The following LGR5 variants were observed in gnomAD, a reference collection of about 807,000 sequenced individuals.
LGR5 encodes leucine rich repeat containing G protein-coupled receptor 5.
In LGR5, 54 loss-of-function variants were observed where a neutral mutation model predicts 76.7. The observed-to-expected ratio is 0.70, with a 90% CI of 0.57 to 0.88. LGR5 has a LOEUF of 0.88. Among genes scored for constraint, LGR5 ranks in the 40% least tolerant of loss-of-function variants. The probability of loss-of-function intolerance (pLI) is 0.00; values close to 1 mark genes in which losing one functional copy is unlikely to be tolerated. For synonymous variants in LGR5, 406 were observed against 421.9 expected (o/e 0.96, Z 0.46); for missense variants, 1,078 against 1,073.3 (o/e 1.00, Z -0.06).
At chr12:71,522,038 G>T (rs1322617167) in intron 2 of LGR5, among the ~76,000 whole-genome samples, 2 of 152,156 alleles carry the variant, frequency 1.3e-5, no homozygotes, top group African/African-American at 2.4e-5. Context: ...GAAAAACAGG[G>T]AGTGAAAGGA....
At chr12:71,577,706 C>T (rs542222686) in intron 13 of LGR5, among the ~76,000 whole-genome samples, 8 of 152,210 alleles carry the variant, frequency 5.3e-5, no homozygotes, top group East Asian at 1.9e-4. Context: ...TCCACCTGAA[C>T]GATGTTTCCT....
chr12:71,581,970 C>A (rs897867368), intron 16 of LGR5, among the ~76,000 whole-genome samples: 10 of 152,190 alleles, frequency 6.6e-5, no homozygotes, highest in African/African-American at 2.4e-4. Flanking sequence ...AAACCAAGCA[C>A]CAAGTAGTTA....
Position 71,563,546 on chromosome 12 carries a change from A to G in LGR5, c.857+1694A>G, listed in dbSNP as rs143493229. Among the ~76,000 whole-genome samples the G allele has an allele frequency of 3.9e-5, 6 of 152,342 alleles. No individual in the cohort carries two copies. In the East Asian group the frequency reaches 1.2e-3, roughly 29 times the overall value. On this transcript the variant is annotated intron_variant, in intron 8 of 17. Transcript: ENST00000266674. ...CACAGTCTAAGGCCACACATGGCCTAAGCCAACCCTGTCAACCAGTTCCCC... is the reference window on the plus strand; with the variant it reads ...CACAGTCTAAGGCCACACATGGCCTGAGCCAACCCTGTCAACCAGTTCCCC...
chr12:71,584,652 C>T lies in LGR5; in HGVS notation c.2642C>T (p.Pro881Leu). The change falls in exon 18 of 18, where the codon CCT becomes CTT. Residue 881 changes from proline (P) to leucine (L), a missense_variant. Transcript: ENST00000266674. ...FTSSSITYDL[P>L]PSSVPSPAYP... ...AGCTCCAGCATCACTTATGACCTGC[C>T]TCCCAGTTCCGTGCCATCACCAGCT... 1 of 1,614,216 alleles carries T rather than the reference C, an allele frequency of 6.2e-7. No homozygotes were observed. Among genetic ancestry groups the T allele is most frequent in the African/African-American group, 1.3e-5 (1 of 75,046 alleles).
chr12:71,539,674 C>T (rs1876778627), intron 4 of LGR5, among the ~76,000 whole-genome samples: 5 of 152,166 alleles, frequency 3.3e-5, no homozygotes, highest in African/African-American at 9.6e-5. Flanking sequence ...GACAGGGTTT[C>T]ACTATGTTGG....
At chr12:71,483,000 C>T (rs1282216190) in intron 1 of LGR5, among the ~76,000 whole-genome samples, 1 of 152,084 alleles carries the variant, frequency 6.6e-6, no homozygotes, top group Non-Finnish European at 1.5e-5. Flanking sequence ...GACATTACTG[C>T]ACCCCTAAGA....
chr12:71,567,246 G>C lies in LGR5; in HGVS notation c.1070+334G>C, dbSNP rs1399654470. On this transcript the variant is annotated intron_variant, in intron 11 of 17. Transcript: ENST00000266674. ...GCAGAGCAGAACAAAATAACATAAT[G>C]GATCAACCACCCAATATGGATGCCA... The C allele has an allele frequency of 1.1e-5, 3 of 274,690 alleles. No individual in the cohort carries two copies. The Admixed American group carries it at 1.4e-4, about 13-fold the overall frequency. 17.0% of individuals were successfully genotyped at this position (274,690 alleles called of 1,614,324 possible). A position where few individuals can be genotyped will look rare whatever the true frequency, so the allele number is the denominator to read the frequency against.
Position 71,439,950 on chromosome 12 carries a change from C to T in LGR5, c.-131C>T, listed in dbSNP as rs1456251052. 3 of 773,526 alleles carry T rather than the reference C, an allele frequency of 3.9e-6. No homozygotes were observed. Among genetic ancestry groups the T allele is most frequent in the Admixed American group, 3.0e-5 (1 of 33,612 alleles). 47.9% of individuals were successfully genotyped at this position (773,526 alleles called of 1,614,324 possible). A position where few individuals can be genotyped will look rare whatever the true frequency, so the allele number is the denominator to read the frequency against. On this transcript the variant is annotated 5_prime_UTR_variant, in exon 1 of 18. Coordinates refer to ENST00000266674, the MANE Select transcript of LGR5 (RefSeq NM_003667.4). ...CGCCCACGCCGTGGGGTCAGGAACG[C>T]GGCGTCTGGCGCTGCAGACGCCCGC...
intron 14 of LGR5, among the ~76,000 whole-genome samples, chr12:71,578,280 A>G (rs992406698): frequency 6.6e-6 from 1 of 152,232 alleles, no homozygotes; most frequent in African/African-American, 2.4e-5. Context: ...TAAGATGTCA[A>G]TTCAGGTCTG....
chr12:71,448,921 C>CT (rs1872136484), intron 1 of LGR5: 1 of 152,310 alleles, frequency 6.6e-6, no homozygotes, highest in South Asian at 2.1e-4. Flanking sequence ...TAGGCCTACT[C>CT]TATCATTGTT....
At chr12:71,583,604 A>G (rs762076198) in intron 17 of LGR5, 43 bp from the exon 18 acceptor site, 4 of 1,555,606 alleles carry the variant, frequency 2.6e-6, no homozygotes, top group East Asian at 4.5e-5. Flanking sequence ...AAAGTTGTAA[A>G]CCCTAATTTG....
intron 1 of LGR5, among the ~76,000 whole-genome samples, chr12:71,471,463 G>C (rs2137243590): frequency 6.6e-6 from 1 of 152,294 alleles, no homozygotes; most frequent in Middle Eastern, 3.4e-3. Context: ...TGAGGAGTAG[G>C]AGGATGTTGG....
At position 71,440,736 on chromosome 12, in the gene LGR5, G is replaced by A. The variant is rs1871727325; in HGVS notation, c.212+444G>A. 6.6e-6 allele frequency among the ~76,000 whole-genome samples: 1 copy of A among 152,294 alleles called. No individual in the cohort carries two copies. Among genetic ancestry groups the A allele is most frequent in the African/African-American group, 2.4e-5 (1 of 41,568 alleles). On this transcript the variant is annotated intron_variant, in intron 1 of 17. Coordinates refer to ENST00000266674, the MANE Select transcript of LGR5 (RefSeq NM_003667.4). This position sits in a 1 kb window ranked among gnomAD's most constrained non-coding sequence, Gnocchi z 5.3. ...TGGTCTGTAGAAAGTTTCCCCAAAG[G>A]AGAAACAACTTGCCCAGCTCCAAAG...
In LGR5 at chr12:71,553,045, T is replaced by C. The variant is rs545351209; in HGVS notation, c.429-28T>C. ...CCTTCTGCTTGGGCTTTGCTCTCTTTTCCATTCTTGCTTTCTTTCTTCCAC... is the reference window on the plus strand; with the variant it reads ...CCTTCTGCTTGGGCTTTGCTCTCTTCTCCATTCTTGCTTTCTTTCTTCCAC... On this transcript the variant is annotated intron_variant, in intron 4 of 17. Coordinates refer to ENST00000266674, the MANE Select transcript of LGR5 (RefSeq NM_003667.4). The C allele has an allele frequency of 1.0e-5, 16 of 1,607,200 alleles. No homozygotes were observed. The South Asian group carries it at 1.8e-4, about 18-fold the overall frequency.
chr12:71,538,824 C>A (rs1207113687), intron 4 of LGR5, among the ~76,000 whole-genome samples: 1 of 152,126 alleles, frequency 6.6e-6, no homozygotes, highest in African/African-American at 2.4e-5. Flanking sequence ...TGCCACTGCA[C>A]TCCAGCCCGG....
chr12:71,506,633 G>A (rs1874871887), intron 2 of LGR5, among the ~76,000 whole-genome samples: 4 of 152,114 alleles, frequency 2.6e-5, no homozygotes, highest in Admixed American at 2.0e-4. Flanking sequence ...TTCAGAAATA[G>A]AGGAGACCCT....
chr12:71,575,600 A>G (rs991746638), intron 13 of LGR5, among the ~76,000 whole-genome samples: 2 of 151,978 alleles, frequency 1.3e-5, no homozygotes, highest in Non-Finnish European at 2.9e-5. Flanking sequence ...AATCCCAGCT[A>G]CTCGGGAGGC....
intron 1 of LGR5, among the ~76,000 whole-genome samples, chr12:71,445,907 G>GGA (rs1326757058): frequency 1.3e-5 from 2 of 152,106 alleles, no homozygotes; most frequent in African/African-American, 4.8e-5. Flanking sequence ...AGATTTACTT[G>GGA]GAGAGTATGC....
intron 9 of LGR5, 54 bp from the exon 10 acceptor site, chr12:71,566,578 A>T: frequency 6.4e-7 from 1 of 1,550,934 alleles, no homozygotes; most frequent in Non-Finnish European, 8.9e-7. Flanking sequence ...GGCAATAAAA[A>T]TTACCCCTGT....
Sources: gnomAD v4.1 joint callset for allele counts (sites outside exome capture counted in the v4.1 genomes callset) on GRCh38, gnomAD v4.1.1 for gene constraint, Gnocchi (gnomAD v3.1) non-coding constraint, MANE v1.5 for transcripts, NCBI Gene and HGNC (gene_info 2026-07-23, HGNC 2026-07-21) for gene names.